The following CNTLN variants were observed in gnomAD, a reference collection of about 807,000 sequenced individuals.
CNTLN encodes the protein centlein.
A neutral mutation model predicts 180.0 loss-of-function variants in CNTLN; 212 were observed. That is an observed-to-expected ratio of 1.18 (90% confidence interval 1.05 to 1.32). The LOEUF is 1.32. Ranked by LOEUF, CNTLN falls within the 40% of genes most tolerant of loss-of-function variation. The pLI, the probability that CNTLN is intolerant of heterozygous loss-of-function variation, is 0.00. For synonymous variants in CNTLN, 722 were observed against 563.1 expected (o/e 1.28, Z -3.99); for missense variants, 2,095 against 1,610.9 (o/e 1.30, Z -5.14).
At chr9:17,151,834 C>T (rs974783855) in intron 2 of CNTLN, among the ~76,000 whole-genome samples, 1 of 152,146 alleles carries the variant, frequency 6.6e-6, no homozygotes, top group African/African-American at 2.4e-5. Flanking sequence ...GTCTCAATTT[C>T]AGAACTTGTT....
chr9:17,338,113 C>T, intron 10 of CNTLN, among the ~76,000 whole-genome samples: 1 of 139,896 alleles, frequency 7.1e-6, no homozygotes, highest in African/African-American at 2.6e-5. Flanking sequence ...TGTTAATTTC[C>T]CTCCCTCCTT....
At chr9:17,238,940 G>A (rs1825320267) in intron 5 of CNTLN, among the ~76,000 whole-genome samples, 1 of 152,066 alleles carries the variant, frequency 6.6e-6, no homozygotes, top group African/African-American at 2.4e-5. Flanking sequence ...ACACTTTGAG[G>A]ATTTTGATTT....
intron 18 of CNTLN, among the ~76,000 whole-genome samples, chr9:17,445,768 C>T (rs1396748533): frequency 2.0e-5 from 3 of 152,086 alleles, no homozygotes; most frequent in Non-Finnish European, 4.4e-5. Context: ...CATCCCCCAG[C>T]CCGACACCCG....
At chr9:17,181,240 C>A (rs1821106212) in intron 2 of CNTLN, among the ~76,000 whole-genome samples, 1 of 152,148 alleles carries the variant, frequency 6.6e-6, no homozygotes, top group African/African-American at 2.4e-5. Context: ...CCATGTTGTT[C>A]ATATTTGGTA....
At position 17,309,168 on chromosome 9, in the gene CNTLN, T is replaced by C; in HGVS notation, c.1257T>C (p.Asn419=). 1.2e-6 allele frequency: 2 copies of C among 1,610,578 alleles called. No individual in the cohort carries two copies. Among genetic ancestry groups the C allele is most frequent in the South Asian group, 1.1e-5 (1 of 90,540 alleles). Residue 419 remains asparagine (N), a synonymous_variant, in exon 8 of 26, where the codon AAT becomes AAC. Coordinates refer to ENST00000380647, the MANE Select transcript of CNTLN (RefSeq NM_017738.4). ...AGCTATTACAAAAAGAGCAAGAAAATGCTAAGTTAAAAGAAAAACTTCAGG... is the reference window on the plus strand; with the variant it reads ...AGCTATTACAAAAAGAGCAAGAAAACGCTAAGTTAAAAGAAAAACTTCAGG... ...QDQLLQKEQE[N]AKLKEKLQES... is the part of the protein sequence containing the mutation.
intron 2 of CNTLN, 89 bp downstream of exon 2, chr9:17,143,465 C>A: frequency 2.2e-6 from 2 of 895,014 alleles, no homozygotes; most frequent in East Asian, 2.5e-5. Flanking sequence ...CATTAATCTC[C>A]TAAAGAGATT....
intron 8 of CNTLN, among the ~76,000 whole-genome samples, chr9:17,327,263 G>A (rs1291693317): frequency 7.5e-6 from 1 of 133,760 alleles, no homozygotes; most frequent in Non-Finnish European, 1.6e-5. Context: ...CCAGGCTGGA[G>A]GGCAGTGGCG....
At chr9:17,360,508 G>A (rs1291921640) in intron 12 of CNTLN, among the ~76,000 whole-genome samples, 1 of 152,172 alleles carries the variant, frequency 6.6e-6, no homozygotes, top group African/African-American at 2.4e-5. Context: ...GGTGGAGGAT[G>A]AGGAACCCAG....
At chr9:17,442,033 G>C (rs1211803203) in intron 18 of CNTLN, among the ~76,000 whole-genome samples, 2 of 152,108 alleles carry the variant, frequency 1.3e-5, no homozygotes, top group Non-Finnish European at 2.9e-5. Context: ...GTATGTATAG[G>C]AAGGAAACTT....
At chr9:17,446,047 T>A (rs2134077886) in intron 18 of CNTLN, among the ~76,000 whole-genome samples, 1 of 152,320 alleles carries the variant, frequency 6.6e-6, no homozygotes, top group Non-Finnish European at 1.5e-5. Flanking sequence ...TTACATTGTC[T>A]ATGATGCAAA....
At chr9:17,308,977 T>TAC (rs1327943843) in intron 7 of CNTLN, 81 bp from the exon 8 acceptor site, 1 of 891,820 alleles carries the variant, frequency 1.1e-6, no homozygotes, top group African/African-American at 1.7e-5. Flanking sequence ...CATATGTATA[T>TAC]ATACACACAC....
chr9:17,458,064 C>G (rs1006877946), intron 19 of CNTLN, among the ~76,000 whole-genome samples: 2 of 151,976 alleles, frequency 1.3e-5, no homozygotes, highest in Non-Finnish European at 2.9e-5. Context: ...AATTGCTTTT[C>G]TCTACATACT....
intron 5 of CNTLN, among the ~76,000 whole-genome samples, chr9:17,243,853 G>T (rs1825638451): frequency 6.6e-6 from 1 of 152,122 alleles, no homozygotes; most frequent in African/African-American, 2.4e-5. Context: ...TGAGTCTGTT[G>T]TTTCTTTGTT....
the CNTLN span, among the ~76,000 whole-genome samples, chr9:17,524,532 C>T: frequency 1.3e-5 from 2 of 152,232 alleles, no homozygotes; most frequent in Non-Finnish European, 2.9e-5. Flanking sequence ...GAAACATTCT[C>T]ATAGACACAC....
chr9:17,515,126 G>A, the CNTLN span, among the ~76,000 whole-genome samples: 1 of 151,988 alleles, frequency 6.6e-6, no homozygotes, highest in Admixed American at 6.6e-5. Flanking sequence ...AAATCCTATG[G>A]CCAGTTTTCA....
At chr9:17,204,874 C>T (rs1822805197) in intron 2 of CNTLN, among the ~76,000 whole-genome samples, 1 of 152,192 alleles carries the variant, frequency 6.6e-6, no homozygotes. Flanking sequence ...CTTTCCTTCA[C>T]AAATGCCCTG....
chr9:17,200,990 T>C (rs1822483386), intron 2 of CNTLN, among the ~76,000 whole-genome samples: 1 of 152,220 alleles, frequency 6.6e-6, no homozygotes, highest in Admixed American at 6.5e-5. Flanking sequence ...GCTCTTGTTA[T>C]TTTGCGATAC....
At chr9:17,502,528 T>A (rs778942684) in intron 25 of CNTLN, 23 bp from the exon 26 acceptor site, 1 of 1,094,454 alleles carries the variant, frequency 9.1e-7, no homozygotes, top group Non-Finnish European at 1.3e-6. Context: ...GTTTTAATAA[T>A]CTTTTTTGTG....
In CNTLN at chr9:17,492,997, C is replaced by A. The variant is rs138183508; in HGVS notation, c.4119+5931C>A. On this transcript the variant is annotated intron_variant, in intron 25 of 25. Transcript: ENST00000380647. Reference sequence around the variant, plus strand: ...TAAGTCAAACACAAAAGGACAAATACCCTGATTCCACTTATTTGAGATTAG... The same window carrying A: ...TAAGTCAAACACAAAAGGACAAATAACCTGATTCCACTTATTTGAGATTAG... 1.2e-4 allele frequency among the ~76,000 whole-genome samples: 18 copies of A among 152,196 alleles called. No individual in the cohort carries two copies. The East Asian group carries it at 3.5e-3, about 29-fold the overall frequency.
Sources: allele counts gnomAD v4.1 joint callset (sites outside exome capture counted in the v4.1 genomes callset), GRCh38; gene constraint gnomAD v4.1.1; transcripts MANE v1.5; gene names NCBI Gene and HGNC (gene_info 2026-07-23, HGNC 2026-07-21).